The following STAT5B variants were observed in gnomAD, a reference collection of about 807,000 sequenced individuals.
The protein encoded by STAT5B is transcription factor STAT5B.
A neutral mutation model predicts 107.8 loss-of-function variants in STAT5B; 21 were observed. That is an observed-to-expected ratio of 0.19 (90% CI 0.14 to 0.28). The LOEUF is 0.28. Ranked by LOEUF, STAT5B falls within the 10% of genes least tolerant of loss-of-function variation. The pLI is 1.00. For synonymous variants in STAT5B, 325 were observed against 401.7 expected, an observed-to-expected ratio of 0.81 and a Z score of 2.28; for missense variants, 565 against 1,008.2, an observed-to-expected ratio of 0.56 and a Z score of 5.95.
chr17:42,235,064 T>C (rs1174918203), intron 1 of STAT5B: 1 of 152,214 alleles, frequency 6.6e-6, no homozygotes, highest in Non-Finnish European at 1.5e-5. Flanking sequence ...TCTGCATTCA[T>C]TAGGTGAATT....
chr17:42,228,236 C>T (rs2080290108), intron 2 of STAT5B, among the ~76,000 whole-genome samples: 1 of 152,172 alleles, frequency 6.6e-6, no homozygotes, highest in African/African-American at 2.4e-5. Flanking sequence ...AGAATTTATA[C>T]GAGTCAGACA....
intron 3 of STAT5B, among the ~76,000 whole-genome samples, chr17:42,226,084 A>C (rs2080270081): frequency 6.6e-6 from 1 of 151,996 alleles, no homozygotes; most frequent in African/African-American, 2.4e-5. Flanking sequence ...ACAGTTGTCC[A>C]CTGCCACACC....
In STAT5B at chr17:42,207,743, A is replaced by G; in HGVS notation, c.1907-15T>C. On this transcript the variant is annotated splice_polypyrimidine_tract_variant and intron_variant, in intron 15 of 18. Coordinates refer to ENST00000293328, the MANE Select transcript of STAT5B (RefSeq NM_012448.4). Reference sequence around the variant, plus strand: ...CATTCTTTCCTCTAGATCAATAAACAGAACAATCACATTCTAAACATGATT... The same window carrying G: ...CATTCTTTCCTCTAGATCAATAAACGGAACAATCACATTCTAAACATGATT... The G allele has an allele frequency of 6.2e-7, 1 of 1,613,972 alleles. No homozygotes were observed. Among genetic ancestry groups the G allele is most frequent in the Non-Finnish European group, 8.5e-7 (1 of 1,179,846 alleles).
chr17:42,260,042 T>C (rs999311153), intron 1 of STAT5B, among the ~76,000 whole-genome samples: 1 of 152,202 alleles, frequency 6.6e-6, no homozygotes, highest in African/African-American at 2.4e-5. Flanking sequence ...AGAAGGCCTA[T>C]AGCCACACTG....
intron 5 of STAT5B, among the ~76,000 whole-genome samples, chr17:42,220,302 A>T (rs530101574): frequency 3.4e-4 from 51 of 152,010 alleles, no homozygotes; most frequent in African/African-American, 8.7e-4. Flanking sequence ...AGTGGGGTGC[A>T]TTAAGATTAA....
At chr17:42,223,917 C>T (rs1204995162) in intron 4 of STAT5B, among the ~76,000 whole-genome samples, 1 of 152,152 alleles carries the variant, frequency 6.6e-6, no homozygotes, top group African/African-American at 2.4e-5. Context: ...ATTCCTCTTC[C>T]ACTCACTGAC....
the STAT5B span, among the ~76,000 whole-genome samples, chr17:42,286,404 C>T: frequency 6.6e-6 from 1 of 152,144 alleles, no homozygotes; most frequent in African/African-American, 2.4e-5. Context: ...CAGCCACACA[C>T]CCTTTTAGGC....
chr17:42,284,232 A>G, the STAT5B span, among the ~76,000 whole-genome samples: 1 of 151,032 alleles, frequency 6.6e-6, no homozygotes, highest in Non-Finnish European at 1.5e-5. Context: ...CAAGGCAGAA[A>G]GGGGACCTGG....
intron 1 of STAT5B, among the ~76,000 whole-genome samples, chr17:42,240,351 T>C (rs926796983): frequency 1.3e-5 from 2 of 152,164 alleles, no homozygotes; most frequent in Non-Finnish European, 2.9e-5. Context: ...CATGCTACAG[T>C]GTGGATGACC....
chr17:42,259,089 C>T (rs1489062142), intron 1 of STAT5B, among the ~76,000 whole-genome samples: 1 of 152,124 alleles, frequency 6.6e-6, no homozygotes, highest in Non-Finnish European at 1.5e-5. Context: ...TGAAACAAAA[C>T]AAAAATAACA....
At position 42,207,526 on chromosome 17, in the gene STAT5B, A is replaced by ACAC. The variant is rs760348581; in HGVS notation, c.2077+31_2077+32insGTG. 394 of 1,596,520 alleles carry ACAC rather than the reference A, an allele frequency of 2.5e-4. 1 individual carries two copies. In the African/African-American group the frequency reaches 4.8e-3, roughly 20 times the overall value. Reference sequence around the variant, plus strand: ...ACACACACACACACACACACACACAACAAAATCAAATCAGAATGCGAACAT... The same window carrying ACAC: ...ACACACACACACACACACACACACAACACCAAAATCAAATCAGAATGCGAACAT... On this transcript the variant is annotated intron_variant, in intron 16 of 18. Transcript: ENST00000293328.
rs1306550765 is a variant in STAT5B at position 42,199,915 on chromosome 17, G to A, written c.*1823C>T. 1 of 152,346 alleles carries A rather than the reference G, an allele frequency of 6.6e-6. No individual in the cohort carries two copies. The highest frequency in any genetic ancestry group is 2.4e-5 in the African/African-American group (1 of 41,456). The allele number at this position is 152,346 out of a possible 1,614,324, so 9.4% of individuals were successfully genotyped here. A position where few individuals can be genotyped will look rare whatever the true frequency, so the allele number is the denominator to read the frequency against. ...AGCATCTCTGGGAGACGGGCAGGGA[G>A]TGACTCTACGAGCCTGGATCCCTGA... On this transcript the variant is annotated 3_prime_UTR_variant, in exon 19 of 19. Coordinates refer to ENST00000293328, the MANE Select transcript of STAT5B (RefSeq NM_012448.4).
intron 1 of STAT5B, among the ~76,000 whole-genome samples, chr17:42,238,538 T>TCCGCCTC (rs1288652998): frequency 2.8e-5 from 4 of 143,134 alleles, no homozygotes; most frequent in Non-Finnish European, 6.0e-5. Context: ...CACTGCAACC[T>TCCGCCTC]CCGCCTCCCG....
chr17:42,268,924 C>CT (rs1567679578), intron 1 of STAT5B, among the ~76,000 whole-genome samples: 2 of 152,098 alleles, frequency 1.3e-5, no homozygotes, highest in African/African-American at 4.8e-5. Context: ...ATTTTTAGTA[C>CT]TTTAAGAGAT....
chr17:42,251,891 G>A (rs2080502758), intron 1 of STAT5B, among the ~76,000 whole-genome samples: 1 of 151,612 alleles, frequency 6.6e-6, no homozygotes, highest in Non-Finnish European at 1.5e-5. Context: ...CCCAGCTACT[G>A]GGGAGGCTGA....
At chr17:42,262,047 T>TAC (rs946724057) in intron 1 of STAT5B, among the ~76,000 whole-genome samples, 19 of 152,228 alleles carry the variant, frequency 1.2e-4, no homozygotes, top group African/African-American at 4.3e-4. Context: ...TAAGTAAGTC[T>TAC]ACTGGGCTCA....
intron 1 of STAT5B, among the ~76,000 whole-genome samples, chr17:42,238,785 C>G (rs945996860): frequency 6.6e-6 from 1 of 151,660 alleles, no homozygotes; most frequent in Non-Finnish European, 1.5e-5. Context: ...ATTTCACTGG[C>G]ACAAGGACTT....
At chr17:42,217,134 C>CACGCAG in intron 11 of STAT5B, 26 bp downstream of exon 11, 1 of 1,603,022 alleles carries the variant, frequency 6.2e-7, no homozygotes, top group Non-Finnish European at 8.5e-7. Flanking sequence ...CGCACACGCA[C>CACGCAG]ACGCAGAGCT....
intron 1 of STAT5B, among the ~76,000 whole-genome samples, chr17:42,260,919 T>G (rs1375907787): frequency 1.3e-5 from 2 of 149,592 alleles, no homozygotes; most frequent in Non-Finnish European, 3.0e-5. Context: ...TGTCTTACCT[T>G]TTTTTTTTTT....
Sources: allele counts gnomAD v4.1 joint callset (sites outside exome capture counted in the v4.1 genomes callset), GRCh38; gene constraint gnomAD v4.1.1; transcripts MANE v1.5; gene names NCBI Gene and HGNC (gene_info 2026-07-23, HGNC 2026-07-21).